CDH6: variants seen among roughly 807,000 people sequenced by gnomAD.
CDH6 encodes the protein cadherin-6.
In CDH6, 31 loss-of-function variants were observed where a neutral mutation model predicts 78.0. The ratio of observed to expected loss-of-function variants is 0.40; its 90% CI spans 0.30 to 0.54. The LOEUF (loss-of-function observed/expected upper bound fraction) is 0.54. Ranked by LOEUF, CDH6 falls within the 20% of genes least tolerant of loss-of-function variation. The pLI is 0.56. For missense variants in CDH6, 724 were observed against 975.9 expected (o/e 0.74, Z 3.44); for synonymous variants, 376 against 368.8 (o/e 1.02, Z -0.23).
At chr5:31,315,755 A>C (rs1347765805) in intron 8 of CDH6, among the ~76,000 whole-genome samples, 1 of 152,246 alleles carries the variant, frequency 6.6e-6, no homozygotes, top group East Asian at 1.9e-4. Flanking sequence ...AAATAACGTA[A>C]TACAGCAAAG....
intron 1 of CDH6, among the ~76,000 whole-genome samples, chr5:31,238,022 T>C (rs1741498867): frequency 6.6e-6 from 1 of 152,224 alleles, no homozygotes; most frequent in Non-Finnish European, 1.5e-5. Context: ...AATTCCTTTC[T>C]CTTCCTTTGG....
intron 5 of CDH6, 54 bp downstream of exon 5, chr5:31,299,685 C>T: frequency 6.8e-7 from 1 of 1,471,076 alleles, no homozygotes; most frequent in Non-Finnish European, 9.4e-7. Context: ...AAAACTCGAA[C>T]TTTAAGAATT....
rs1742236763 is a variant in CDH6 at position 31,262,487 on chromosome 5, AAGAGACATAGTC to A, written c.-128-4858_-128-4847del. Among the ~76,000 whole-genome samples the A allele has an allele frequency of 2.0e-5, 3 of 152,218 alleles. No homozygotes were observed. In the South Asian group the frequency reaches 6.2e-4, roughly 32 times the overall value. ...ACTAAGATCCCAACAAAAAGAAAAG[AAGAGACATAGTC>A]TATTAAGCAGCCTTTTACGTCCACT... On this transcript the variant is annotated intron_variant, in intron 1 of 11. Transcript: ENST00000265071.
intron 1 of CDH6, among the ~76,000 whole-genome samples, chr5:31,233,700 A>G (rs1033512342): frequency 6.6e-6 from 1 of 151,984 alleles, no homozygotes; most frequent in Non-Finnish European, 1.5e-5. Context: ...TCTACTGGAA[A>G]CTTCCGCCAG....
At chr5:31,274,508 A>G (rs1742633186) in intron 2 of CDH6, among the ~76,000 whole-genome samples, 1 of 152,326 alleles carries the variant, frequency 6.6e-6, no homozygotes. Flanking sequence ...TCCTGCTCGA[A>G]TTTAGTTTGT....
At chr5:31,309,940 T>A (rs1738096560) in intron 7 of CDH6, among the ~76,000 whole-genome samples, 1 of 152,186 alleles carries the variant, frequency 6.6e-6, no homozygotes, top group Non-Finnish European at 1.5e-5. Flanking sequence ...GAGATCAGAT[T>A]TGGGTGGGGA....
chr5:31,196,848 T>C (rs894564002), intron 1 of CDH6, among the ~76,000 whole-genome samples: 16 of 152,216 alleles, frequency 1.1e-4, no homozygotes, highest in Non-Finnish European at 2.1e-4. Context: ...TAAGATTTTC[T>C]TATTTCTGAT....
intron 2 of CDH6, 41 bp downstream of exon 2, chr5:31,267,742 C>T: frequency 7.0e-7 from 1 of 1,430,336 alleles, no homozygotes; most frequent in Non-Finnish European, 9.9e-7. Flanking sequence ...GGGTTTAAAG[C>T]CTGAAGAAGT....
At chr5:31,218,945 T>C (rs1233571940) in intron 1 of CDH6, among the ~76,000 whole-genome samples, 1 of 152,170 alleles carries the variant, frequency 6.6e-6, no homozygotes, top group Non-Finnish European at 1.5e-5. Flanking sequence ...GGATGGTTAA[T>C]TTTATGGGTC....
intron 7 of CDH6, 121 bp downstream of exon 7, chr5:31,305,548 G>GA (rs1737968568): frequency 2.9e-6 from 3 of 1,043,244 alleles, no homozygotes; most frequent in Non-Finnish European, 2.8e-6. Context: ...GTGTTTTCCT[G>GA]AAAAAACTAT....
intron 1 of CDH6, among the ~76,000 whole-genome samples, chr5:31,239,072 C>T (rs1230161886): frequency 1.3e-5 from 2 of 152,142 alleles, no homozygotes; most frequent in Admixed American, 6.6e-5. Context: ...TTCAATGTAT[C>T]GTGGCTGTGT....
intron 2 of CDH6, among the ~76,000 whole-genome samples, chr5:31,282,929 T>A (rs781068226): frequency 6.4e-4 from 98 of 152,250 alleles, no homozygotes; most frequent in Non-Finnish European, 1.2e-3. Flanking sequence ...CAAATACAGA[T>A]CCCTTATGGT....
intron 2 of CDH6, among the ~76,000 whole-genome samples, chr5:31,282,256 T>C (rs1289414799): frequency 6.6e-6 from 1 of 152,170 alleles, no homozygotes; most frequent in Non-Finnish European, 1.5e-5. Context: ...GCAAGATGTC[T>C]TTATGGAGGC....
intron 1 of CDH6, among the ~76,000 whole-genome samples, chr5:31,248,156 T>C (rs1352941092): frequency 6.6e-6 from 1 of 152,202 alleles, no homozygotes; most frequent in Non-Finnish European, 1.5e-5. Context: ...TTCTTCCTAA[T>C]GATATTAAAA....
intron 2 of CDH6, among the ~76,000 whole-genome samples, chr5:31,284,412 C>T (rs1742957236): frequency 6.6e-6 from 1 of 152,208 alleles, no homozygotes; most frequent in South Asian, 2.1e-4. Flanking sequence ...ACACATGAAT[C>T]TGAATCCACA....
chr5:31,310,489 G>A (rs1738116920), intron 7 of CDH6, among the ~76,000 whole-genome samples: 1 of 152,154 alleles, frequency 6.6e-6, no homozygotes, highest in African/African-American at 2.4e-5. Flanking sequence ...GGAAGAGAGT[G>A]GCCCCCTTCT....
intron 2 of CDH6, among the ~76,000 whole-genome samples, chr5:31,280,445 A>G (rs1421336893): frequency 1.3e-5 from 2 of 152,148 alleles, no homozygotes; most frequent in Admixed American, 6.5e-5. Context: ...GTGTAAGCAA[A>G]CACAAGCTCA....
intron 1 of CDH6, among the ~76,000 whole-genome samples, chr5:31,207,355 G>A (rs1241536952): frequency 6.6e-6 from 1 of 152,150 alleles, no homozygotes; most frequent in Admixed American, 6.5e-5. Context: ...ATATCCAGCT[G>A]ACCAGTGCTC....
chr5:31,267,386 G>A lies in CDH6; in HGVS notation c.-88G>A. ...CAAGCAAAGAACATTAAGGAAGGAAGGAGGAATGAGGCTGGATACGGTGCA... is the reference window on the plus strand; with the variant it reads ...CAAGCAAAGAACATTAAGGAAGGAAAGAGGAATGAGGCTGGATACGGTGCA... On this transcript the variant is annotated 5_prime_UTR_variant, in exon 2 of 12. Coordinates refer to ENST00000265071, the MANE Select transcript of CDH6 (RefSeq NM_004932.4). 1 of 867,658 alleles carries A rather than the reference G, an allele frequency of 1.2e-6. No homozygotes were observed. The highest frequency in any genetic ancestry group is 1.9e-6 in the Non-Finnish European group (1 of 526,200). 53.7% of individuals were successfully genotyped at this position (867,658 alleles called of 1,614,324 possible). A position where few individuals can be genotyped will look rare whatever the true frequency, so the allele number is the denominator to read the frequency against.
Sources: gnomAD v4.1 joint callset for allele counts (sites outside exome capture counted in the v4.1 genomes callset) on GRCh38, gnomAD v4.1.1 for gene constraint, MANE v1.5 for transcripts, NCBI Gene and HGNC (gene_info 2026-07-23, HGNC 2026-07-21) for gene names.